Variants in SZT2 observed in about 807,000 individuals in gnomAD.
SZT2 encodes KICSTOR complex protein SZT2.
A neutral mutation model predicts 404.2 loss-of-function variants in SZT2; 216 were observed. The ratio of observed to expected loss-of-function variants is 0.53; its 90% CI spans 0.48 to 0.60. The LOEUF is 0.60. SZT2 is among the 20% of genes least tolerant of loss of function. The pLI, the probability that SZT2 is intolerant of heterozygous loss-of-function variation, is 0.00. For synonymous variants in SZT2, 1,693 were observed against 1,749.9 expected (o/e 0.97, Z 0.81); for missense variants, 3,857 against 4,459.2 (o/e 0.86, Z 3.85).
chr1:43,453,325 C>T lies in SZT2; in HGVS notation c.*2845C>T, dbSNP rs1570767221. 4 of 1,128,718 alleles carry T rather than the reference C, an allele frequency of 3.5e-6. No homozygotes were observed. In the South Asian group the frequency reaches 4.4e-5, roughly 12 times the overall value. The allele number at this position is 1,128,718 out of a possible 1,614,324, so 69.9% of individuals were successfully genotyped here. On this transcript the variant is annotated 3_prime_UTR_variant, in exon 72 of 72. Coordinates refer to ENST00000634258, the MANE Select transcript of SZT2 (RefSeq NM_001365999.1). Reference sequence around the variant, plus strand: ...AGCGTCTCAGATCTGGCGTCCTCGACTCCCTGAACCTGCATCAGGGTCATG... The same window carrying T: ...AGCGTCTCAGATCTGGCGTCCTCGATTCCCTGAACCTGCATCAGGGTCATG...
In SZT2 at chr1:43,428,115, C is replaced by G. The variant is rs760099699; in HGVS notation, c.3916C>G (p.Arg1306Gly). ...GGAGCATGCACAGCGGTGCTATGTC[C>G]GTGGTGAGCAGGAGGGCCGTGGGAG... ...LQEHAQRCYV[R>G]GLFRSLQQAQ... The change falls in exon 27 of 72, where the codon CGT (arginine) becomes GGT (glycine). Residue 1306 changes from arginine to glycine, a missense_variant. This residue lies in a region of SZT2 where 1,725 missense variants were observed against 1,881.0 expected (regional missense o/e 0.92). Coordinates refer to ENST00000634258, the MANE Select transcript of SZT2 (RefSeq NM_001365999.1). The G allele has an allele frequency of 3.7e-6, 6 of 1,613,600 alleles. No individual in the cohort carries two copies. The highest frequency in any genetic ancestry group is 5.1e-6 in the Non-Finnish European group (6 of 1,179,610).
chr1:43,395,552 T>C (rs1648896212), intron 1 of SZT2, among the ~76,000 whole-genome samples: 1 of 152,214 alleles, frequency 6.6e-6, no homozygotes, highest in South Asian at 2.1e-4. Context: ...CCGCCCACTT[T>C]GGTCTTCCAA....
At position 43,431,836 on chromosome 1, in the gene SZT2, C is replaced by T. The variant is rs1280909069; in HGVS notation, c.5209C>T (p.Leu1737Phe). Residue 1737 changes from leucine (L) to phenylalanine (F), a missense_variant, in exon 36 of 72, where the codon CTT (leucine) becomes TTT (phenylalanine). By Grantham distance (22) the Leu-to-Phe change is conservative. Coordinates refer to ENST00000634258, the MANE Select transcript of SZT2 (RefSeq NM_001365999.1). ...TAGTTCTCCTGGACGCTCCACCTGC[C>T]TTCGCCAAACTCTGCCACTGAGTTT... is the stretch of plus-strand genomic sequence containing the variant. Reference protein sequence around the residue: ...IHSSPGRSTCLRQTLPLSFVF... With the variant: ...IHSSPGRSTCFRQTLPLSFVF... The T allele has an allele frequency of 1.2e-6, 2 of 1,614,214 alleles. No homozygotes were observed. The highest frequency in any genetic ancestry group is 2.2e-5 in the South Asian group (2 of 91,080).
At chr1:43,415,759 C>T (rs996145942) in intron 5 of SZT2, among the ~76,000 whole-genome samples, 7 of 152,338 alleles carry the variant, frequency 4.6e-5, no homozygotes, top group Admixed American at 4.6e-4. Flanking sequence ...TGCCGAACTC[C>T]CTTCACCTCT....
Position 43,443,404 on chromosome 1 carries a change from C to T in SZT2, c.8552C>T (p.Ala2851Val). The T allele has an allele frequency of 6.2e-7, 1 of 1,614,198 alleles. No homozygotes were observed. ...KQSSRLVHYC[A>V]TAMLFDPAAW... ...TCATCCCGCCTGGTGCATTACTGTG[C>T]AACAGCCATGCTCTTCGACCCAGCT... is the stretch of plus-strand genomic sequence containing the variant. The change falls in exon 61 of 72, where the codon GCA becomes GTA. Residue 2851 changes from alanine (A) to valine (V), a missense_variant. Physicochemically the swap from Ala to Val is moderately conservative, Grantham distance 64. Transcript: ENST00000634258.
intron 2 of SZT2, 71 bp downstream of exon 2, chr1:43,403,373 AACAG>A (rs1649913636): frequency 6.4e-7 from 1 of 1,561,850 alleles, no homozygotes; most frequent in South Asian, 1.2e-5. Context: ...GAGTGCTAGA[AACAG>A]ACAGGGTGGG....
At chr1:43,443,133 T>A (rs1553154326) in intron 59 of SZT2, 47 bp downstream of exon 59, 1 of 1,613,338 alleles carries the variant, frequency 6.2e-7, no homozygotes, top group Non-Finnish European at 8.5e-7. Flanking sequence ...CTGTGGAGTC[T>A]GGGAGGAAGG....
At chr1:43,433,242 C>A in intron 40 of SZT2, 52 bp downstream of exon 40, 2 of 1,576,890 alleles carry the variant, frequency 1.3e-6, no homozygotes, top group South Asian at 1.1e-5. Flanking sequence ...CCTCTTCTCT[C>A]TGCTCCCACA....
chr1:43,425,736 C>CT lies in SZT2; in HGVS notation c.2814+95dup. 5.0e-6 allele frequency: 8 copies of CT among 1,593,870 alleles called. No individual in the cohort carries two copies. In the South Asian group the frequency reaches 7.8e-5, roughly 16 times the overall value. The stretch of plus-strand genomic sequence containing the variant: ...GCAGTCTGTGGGCTTCCTGGTCCCT[C>CT]TGAATGGCTGGGACTGTTGAAGCTT... On this transcript the variant is annotated intron_variant, in intron 19 of 71. Transcript: ENST00000634258. This position sits in a 1 kb window ranked among gnomAD's most constrained non-coding sequence, Gnocchi z 4.3.
intron 13 of SZT2, 23 bp downstream of exon 13, chr1:43,422,655 A>ACCCCCCTCCC: frequency 9.1e-7 from 1 of 1,095,026 alleles, no homozygotes; most frequent in Non-Finnish European, 1.2e-6. Context: ...ATGTCCCTTC[A>ACCCCCCTCCC]CCCCCCGCCC....
intron 62 of SZT2, 95 bp from the exon 63 acceptor site, chr1:43,445,799 A>G: frequency 1.6e-6 from 2 of 1,283,516 alleles, no homozygotes; most frequent in Non-Finnish European, 2.2e-6. Context: ...CCTCCCTTGC[A>G]AAATGATTCC....
Position 43,439,332 on chromosome 1 carries a change from GTGCTC to G in SZT2, c.6793-23_6793-19del. ...GGTTTTGTCCATTTGCTTGCTCTTA[GTGCTC>G]TGTGGCTGTTCTTTCCCCAGCATCC... On this transcript the variant is annotated intron_variant, in intron 48 of 71. Transcript: ENST00000634258. The surrounding 1 kb of genome is among the most constrained non-coding windows in gnomAD (Gnocchi z 4.2). 1 of 1,613,168 alleles carries G rather than the reference GTGCTC, an allele frequency of 6.2e-7. No homozygotes were observed. Among genetic ancestry groups the G allele is most frequent in the Admixed American group, 1.7e-5 (1 of 59,998 alleles).
chr1:43,431,490 C>T lies in SZT2; in HGVS notation c.5055C>T (p.Pro1685=). 6.2e-7 allele frequency: 1 copy of T among 1,614,172 alleles called. No homozygotes were observed. The highest frequency in any genetic ancestry group is 2.2e-5 in the East Asian group (1 of 44,876). ...CAGGACTATCCAATTTGGCCACGCC[C>T]CACAGACTGGCTATTGAGACCACCA... ...RHPGLSNLAT[P]HRLAIETTMN... is the part of the protein sequence containing the mutation. The change falls in exon 35 of 72, where the codon CCC becomes CCT. Residue 1685 remains proline, a synonymous_variant. Transcript: ENST00000634258.
At chr1:43,444,014 T>C (rs1472939168) in intron 62 of SZT2, among the ~76,000 whole-genome samples, 7 of 152,254 alleles carry the variant, frequency 4.6e-5, no homozygotes, top group Non-Finnish European at 8.8e-5. Flanking sequence ...GAACTCATGA[T>C]GACACTCATA....
At chr1:43,393,853 C>T (rs550165707) in intron 1 of SZT2, among the ~76,000 whole-genome samples, 1 of 152,106 alleles carries the variant, frequency 6.6e-6, no homozygotes, top group Non-Finnish European at 1.5e-5. Flanking sequence ...AGAATGATAG[C>T]CTTCCTCTCC....
intron 4 of SZT2, among the ~76,000 whole-genome samples, chr1:43,408,039 G>A (rs541666536): frequency 6.6e-6 from 1 of 151,914 alleles, no homozygotes; most frequent in African/African-American, 2.4e-5. Flanking sequence ...TCACAGTGTT[G>A]GCCAGGATGG....
chr1:43,428,506 G>A lies in SZT2; in HGVS notation c.4166+20G>A, dbSNP rs1231952454. ...ATCCAGGTTAGGATTATACTTGAAT[G>A]ATGGATAAGGGGGTACACAGACCAA... On this transcript the variant is annotated intron_variant, in intron 28 of 71. Transcript: ENST00000634258. 2 of 1,609,736 alleles carry A rather than the reference G, an allele frequency of 1.2e-6. No individual in the cohort carries two copies. The highest frequency in any genetic ancestry group is 1.7e-5 in the Admixed American group (1 of 59,988).
chr1:43,395,935 A>G (rs946584845), intron 1 of SZT2, among the ~76,000 whole-genome samples: 4 of 152,226 alleles, frequency 2.6e-5, no homozygotes, highest in Non-Finnish European at 5.9e-5. Flanking sequence ...AGAAGAAACA[A>G]CACTCTTAAG....
chr1:43,440,617 A>T, intron 52 of SZT2, 31 bp downstream of exon 52: 1 of 1,534,478 alleles, frequency 6.5e-7, no homozygotes, highest in Admixed American at 2.1e-5. Context: ...GTGGGCATCT[A>T]CCTTTCTGCC....
Sources: gnomAD v4.1 joint callset for allele counts (sites outside exome capture counted in the v4.1 genomes callset) on GRCh38, gnomAD v4.1.1 for gene constraint, gnomAD v4.1.1 regional missense constraint, Gnocchi (gnomAD v3.1) non-coding constraint, MANE v1.5 for transcripts, NCBI Gene and HGNC (gene_info 2026-07-23, HGNC 2026-07-21) for gene names.